The following OTOP1 variants were observed in gnomAD, a reference collection of about 807,000 sequenced individuals.
OTOP1 encodes otopetrin 1.
OTOP1 carries 59 observed loss-of-function variants against 52.9 expected under a neutral mutation model. The ratio of observed to expected loss-of-function variants is 1.12; its 90% CI spans 0.91 to 1.39. The LOEUF (loss-of-function observed/expected upper bound fraction) is 1.39. Ranked by LOEUF, OTOP1 falls within the 40% of genes most tolerant of loss-of-function variation. OTOP1 has a pLI of 0.00. For missense variants in OTOP1, 761 were observed against 800.9 expected (o/e 0.95, Z 0.60); for synonymous variants, 317 against 337.7 (o/e 0.94, Z 0.67).
At chr4:4,191,400 G>A (rs1162646816) in intron 5 of OTOP1, among the ~76,000 whole-genome samples, 2 of 151,418 alleles carry the variant, frequency 1.3e-5, no homozygotes, top group Non-Finnish European at 2.9e-5. Flanking sequence ...AACCCCCAAA[G>A]TCTTCCCAAA....
At chr4:4,224,176 G>A (rs1410914915) in intron 1 of OTOP1, among the ~76,000 whole-genome samples, 5 of 151,760 alleles carry the variant, frequency 3.3e-5, no homozygotes, top group African/African-American at 9.7e-5. Flanking sequence ...ATGAAACCCC[G>A]TCTCTACTAA....
rs1424493680 is a variant in OTOP1 at position 4,226,561 on chromosome 4, G to C, written c.304C>G (p.Leu102Val). 19 of 1,604,608 alleles carry C rather than the reference G, an allele frequency of 1.2e-5. No homozygotes were observed. The highest frequency in any genetic ancestry group is 1.6e-5 in the Non-Finnish European group (19 of 1,178,512). Reference sequence around the variant, plus strand: ...TACCACAGCATCCACAGCAGCTGCAGCAGCATGAGCGCCGTCAGGAAGCAC... The same window carrying C: ...TACCACAGCATCCACAGCAGCTGCACCAGCATGAGCGCCGTCAGGAAGCAC... ...LLCFLTALMLLQLLWMLWYVG... is the reference protein window; with the variant it reads ...LLCFLTALMLVQLLWMLWYVG... The change falls in exon 1 of 6, where the codon CTG becomes GTG. Residue 102 changes from leucine (L) to valine (V), a missense_variant. Physicochemically the swap from Leu to Val is conservative, Grantham distance 32 (BLOSUM62 1). Transcript: ENST00000296358.
intron 1 of OTOP1, among the ~76,000 whole-genome samples, chr4:4,220,670 T>C (rs1717279901): frequency 1.3e-5 from 2 of 152,204 alleles, no homozygotes; most frequent in African/African-American, 2.4e-5. Context: ...GGGATGTTAT[T>C]ATCATCACTC....
In OTOP1 at chr4:4,197,555, G is replaced by A. The variant is rs767194213; in HGVS notation, c.1279C>T (p.Pro427Ser). ...TCCACGATCGCCAGGATGGAGTAGG[G>A]CAGGTTGTACCAGGTGTAGCGGGGG... Reference protein sequence around the residue: ...GHPRYTWYNLPYSILAIVEKY... With the variant: ...GHPRYTWYNLSYSILAIVEKY... Residue 427 changes from proline (P) to serine (S), a missense_variant, in exon 5 of 6, where the codon CCC becomes TCC. This residue lies in a region of OTOP1 where 632 missense variants were observed against 619.5 expected (regional missense o/e 1.02). Transcript: ENST00000296358. The A allele has an allele frequency of 3.1e-6, 5 of 1,614,114 alleles. No individual in the cohort carries two copies. In the South Asian group the frequency reaches 3.3e-5, roughly 11 times the overall value.
intron 4 of OTOP1, among the ~76,000 whole-genome samples, chr4:4,201,639 C>T (rs576717834): frequency 6.6e-6 from 1 of 152,028 alleles, no homozygotes; most frequent in Non-Finnish European, 1.5e-5. Context: ...TTCAAAGTGG[C>T]TCTCCAGGAC....
chr4:4,201,776 C>T (rs1474085530), intron 4 of OTOP1, among the ~76,000 whole-genome samples: 5 of 152,162 alleles, frequency 3.3e-5, no homozygotes, highest in Non-Finnish European at 7.4e-5. Context: ...GATTAAATGT[C>T]TTCTAAAGGT....
At chr4:4,217,449 C>T (rs374018827) in intron 1 of OTOP1, among the ~76,000 whole-genome samples, 8 of 152,246 alleles carry the variant, frequency 5.3e-5, no homozygotes, top group South Asian at 2.1e-4. Context: ...AGATGTCGCC[C>T]GCGTGTCAGG....
chr4:4,212,786 C>T (rs571762020), intron 2 of OTOP1, 82 bp downstream of exon 2: 232 of 1,494,106 alleles, frequency 1.6e-4, no homozygotes, highest in South Asian at 1.9e-4. Flanking sequence ...ACCTGCCACA[C>T]GTCTTGATGT....
At chr4:4,200,637 T>C (rs1317832710) in intron 4 of OTOP1, among the ~76,000 whole-genome samples, 2 of 151,166 alleles carry the variant, frequency 1.3e-5, no homozygotes, top group African/African-American at 2.4e-5. Flanking sequence ...CACTGCAGCC[T>C]TGACTTCTTG....
At chr4:4,192,531 G>T (rs1157283158) in intron 5 of OTOP1, among the ~76,000 whole-genome samples, 1 of 152,184 alleles carries the variant, frequency 6.6e-6, no homozygotes. Context: ...TGCCTACTGG[G>T]TTCATCCATT....
intron 2 of OTOP1, among the ~76,000 whole-genome samples, chr4:4,211,138 A>C (rs1717017526): frequency 6.6e-6 from 1 of 152,276 alleles, no homozygotes; most frequent in South Asian, 2.1e-4. Context: ...ACTGTTTGAG[A>C]ATGTGTTTGA....
intron 5 of OTOP1, among the ~76,000 whole-genome samples, chr4:4,190,044 C>G (rs958080014): frequency 1.3e-5 from 2 of 152,188 alleles, no homozygotes; most frequent in African/African-American, 4.8e-5. Flanking sequence ...TTGGGGTGGT[C>G]TCTTCCATAG....
intron 5 of OTOP1, among the ~76,000 whole-genome samples, chr4:4,189,886 G>C (rs1716464938): frequency 6.6e-6 from 1 of 152,230 alleles, no homozygotes; most frequent in Admixed American, 6.5e-5. Flanking sequence ...CTCTCGCAAA[G>C]TCAAGCCTTG....
At chr4:4,191,872 T>C (rs1463915290) in intron 5 of OTOP1, among the ~76,000 whole-genome samples, 1 of 151,842 alleles carries the variant, frequency 6.6e-6, no homozygotes, top group Non-Finnish European at 1.5e-5. Flanking sequence ...TGAACCTCTG[T>C]AGGTACTCAA....
At chr4:4,197,073 A>G in intron 5 of OTOP1, 93 bp downstream of exon 5, 1 of 1,286,928 alleles carries the variant, frequency 7.8e-7, no homozygotes, top group East Asian at 2.3e-5. Flanking sequence ...CACGCAATTT[A>G]CCCATTTAAC....
chr4:4,188,885 A>G lies in OTOP1; in HGVS notation c.1757T>C (p.Val586Ala). 6.2e-7 allele frequency: 1 copy of G among 1,613,984 alleles called. No individual in the cohort carries two copies. The highest frequency in any genetic ancestry group is 1.1e-5 in the South Asian group (1 of 91,072). Residue 586 changes from valine to alanine, a missense_variant, in exon 6 of 6, where the codon GTG becomes GCG. This residue lies in a region of OTOP1 where 632 missense variants were observed against 619.5 expected (regional missense o/e 1.02). Transcript: ENST00000296358. ...AGAAAAAGGCATGGCCAGGTTGACC[A>G]CAATTATCCAGGGTTCAAAGCCAAA... Reference protein sequence around the residue: ...IVFGFEPWIIVVNLAMPFSIF... With the variant: ...IVFGFEPWIIAVNLAMPFSIF...
chr4:4,197,020 A>C, intron 5 of OTOP1, 146 bp downstream of exon 5: 1 of 897,338 alleles, frequency 1.1e-6, no homozygotes, highest in Non-Finnish European at 1.7e-6. Context: ...CACTATGCTC[A>C]TTACCTGGGT....
intron 1 of OTOP1, among the ~76,000 whole-genome samples, chr4:4,221,100 G>T (rs1393807644): frequency 2.4e-5 from 3 of 126,170 alleles, no homozygotes; most frequent in East Asian, 2.2e-4. Flanking sequence ...ATTTTATTGA[G>T]ATGGAGTCTC....
At chr4:4,198,532 C>A (rs936728749) in intron 4 of OTOP1, among the ~76,000 whole-genome samples, 3 of 152,152 alleles carry the variant, frequency 2.0e-5, no homozygotes, top group Admixed American at 1.3e-4. Flanking sequence ...CCTGTATTTT[C>A]TAAGTTTTCT....
Sources: allele counts gnomAD v4.1 joint callset (sites outside exome capture counted in the v4.1 genomes callset), GRCh38; gene constraint gnomAD v4.1.1; regional missense constraint gnomAD v4.1.1; transcripts MANE v1.5; gene names NCBI Gene and HGNC (gene_info 2026-07-23, HGNC 2026-07-21).